MCTP2: variants seen among roughly 807,000 people sequenced by gnomAD.
The protein encoded by MCTP2 is multiple C2 and transmembrane domain-containing protein 2.
A neutral mutation model predicts 111.6 loss-of-function variants in MCTP2; 132 were observed. The observed-to-expected ratio is 1.18, with a 90% CI of 1.03 to 1.37. The LOEUF is 1.37. Among genes scored for constraint, MCTP2 ranks in the 40% most tolerant of loss-of-function variants. The probability of loss-of-function intolerance (pLI) is 0.00; values close to 1 mark genes in which losing one functional copy is unlikely to be tolerated. For synonymous variants in MCTP2, 395 were observed against 387.7 expected (o/e 1.02, Z -0.22); for missense variants, 1,183 against 1,067.9 (o/e 1.11, Z -1.50).
intron 9 of MCTP2, among the ~76,000 whole-genome samples, chr15:94,357,356 A>G (rs2078681620): frequency 6.6e-6 from 1 of 152,206 alleles, no homozygotes; most frequent in Non-Finnish European, 1.5e-5. Flanking sequence ...GAGGGTATCC[A>G]GGATAACCAT....
intron 14 of MCTP2, among the ~76,000 whole-genome samples, chr15:94,387,198 T>C (rs749911462): frequency 2.0e-5 from 3 of 151,670 alleles, no homozygotes; most frequent in Non-Finnish European, 4.4e-5. Flanking sequence ...ATCTAAGAAG[T>C]TACCTCCAGC....
At chr15:94,434,379 A>AT (rs59320167) in intron 17 of MCTP2, among the ~76,000 whole-genome samples, 39 of 148,526 alleles carry the variant, frequency 2.6e-4, no homozygotes, top group Admixed American at 7.4e-4. Context: ...CTCCCAGCCT[A>AT]TTTTTTTTTT....
chr15:94,435,693 G>A (rs1473366560), intron 17 of MCTP2, among the ~76,000 whole-genome samples: 2 of 130,252 alleles, frequency 1.5e-5, no homozygotes, highest in Admixed American at 8.0e-5. Context: ...GTGCAGTGGC[G>A]CGATCTCGGC....
At chr15:94,280,444 C>T (rs1238918641) in intron 1 of MCTP2, among the ~76,000 whole-genome samples, 2 of 146,908 alleles carry the variant, frequency 1.4e-5, no homozygotes, top group African/African-American at 5.0e-5. Context: ...TCTGTGGGGT[C>T]GTGGGTAACG....
In MCTP2 at chr15:94,479,932, T is replaced by C. The variant is rs908066975; in HGVS notation, c.*898T>C. The C allele has an allele frequency of 2.1e-4, 32 of 152,186 alleles. No individual in the cohort carries two copies. Among genetic ancestry groups the C allele is most frequent in the African/African-American group, 7.0e-4 (29 of 41,460 alleles). The allele number at this position is 152,186 out of a possible 1,614,324, so 9.4% of individuals were successfully genotyped here. A position where few individuals can be genotyped will look rare whatever the true frequency, so the allele number is the denominator to read the frequency against. On this transcript the variant is annotated 3_prime_UTR_variant, in exon 23 of 23. Coordinates refer to ENST00000357742, the MANE Select transcript of MCTP2 (RefSeq NM_001385001.1). ...AGACTAATAAGGCTGCTTACCTAAT[T>C]ATTATAATCATTTCATTTGCCTGAA...
chr15:94,277,551 G>A (rs1046372714), intron 1 of MCTP2, among the ~76,000 whole-genome samples: 1 of 152,146 alleles, frequency 6.6e-6, no homozygotes, highest in Non-Finnish European at 1.5e-5. Flanking sequence ...ATATTCATGA[G>A]TGAAGTAAGT....
At chr15:94,469,651 T>C (rs1224204372) in intron 20 of MCTP2, among the ~76,000 whole-genome samples, 1 of 152,086 alleles carries the variant, frequency 6.6e-6, no homozygotes, top group Non-Finnish European at 1.5e-5. Flanking sequence ...GAGAATTGCT[T>C]GACCCCAGGA....
intron 19 of MCTP2, among the ~76,000 whole-genome samples, chr15:94,450,360 G>A (rs1014725336): frequency 9.2e-5 from 14 of 152,182 alleles, no homozygotes; most frequent in South Asian, 6.2e-4. Flanking sequence ...GTGTGTGCAC[G>A]CGCACGTGTG....
At chr15:94,298,956 T>TCTCC (rs1441231122) in intron 2 of MCTP2, among the ~76,000 whole-genome samples, 2 of 6,636 alleles carry the variant, frequency 3.0e-4, no homozygotes, top group East Asian at 0.01. Flanking sequence ...CCTCTCTCCC[T>TCTCC]CTCTCCCTCT....
At chr15:94,425,231 C>G (rs903851552) in intron 17 of MCTP2, among the ~76,000 whole-genome samples, 1 of 152,132 alleles carries the variant, frequency 6.6e-6, no homozygotes, top group Non-Finnish European at 1.5e-5. Flanking sequence ...TCTCAATGAT[C>G]TGCAATTTCT....
chr15:94,392,395 G>A (rs117540371), intron 14 of MCTP2, among the ~76,000 whole-genome samples: 1,865 of 150,798 alleles, frequency 0.012, 24 homozygotes, highest in Middle Eastern at 0.059. Flanking sequence ...GTAATAGTAA[G>A]GTTATTATAA....
chr15:94,237,714 A>G (rs943998342), intron 1 of MCTP2, among the ~76,000 whole-genome samples: 1 of 152,186 alleles, frequency 6.6e-6, no homozygotes, highest in Admixed American at 6.5e-5. Context: ...TATTAAAGCT[A>G]GATCTTTTTC....
intron 1 of MCTP2, among the ~76,000 whole-genome samples, chr15:94,258,543 T>C (rs1357103513): frequency 1.3e-5 from 2 of 152,212 alleles, no homozygotes; most frequent in African/African-American, 4.8e-5. Context: ...GATCCTTTAT[T>C]GAAATTAATA....
intron 1 of MCTP2, among the ~76,000 whole-genome samples, chr15:94,267,979 C>T (rs567206717): frequency 1.4e-5 from 2 of 147,610 alleles, no homozygotes; most frequent in African/African-American, 2.5e-5. Context: ...CATTCTCCTG[C>T]CTCAGCCTCC....
chr15:94,301,725 A>C (rs1176848709), intron 2 of MCTP2, among the ~76,000 whole-genome samples: 4 of 152,190 alleles, frequency 2.6e-5, no homozygotes, highest in African/African-American at 9.7e-5. Flanking sequence ...GTTTTTGAAA[A>C]AATACTCAAT....
chr15:94,356,109 T>C, intron 8 of MCTP2, 28 bp from the exon 9 acceptor site: 1 of 1,506,640 alleles, frequency 6.6e-7, no homozygotes, highest in South Asian at 1.4e-5. Flanking sequence ...GAAGCAAGTT[T>C]ACATGTCATC....
chr15:94,394,133 T>C (rs2152467610), intron 14 of MCTP2, among the ~76,000 whole-genome samples: 2 of 151,562 alleles, frequency 1.3e-5, no homozygotes, highest in Admixed American at 1.3e-4. Context: ...ATTATGATCA[T>C]GATGGTCGAG....
At chr15:94,337,590 C>T (rs982422143) in intron 4 of MCTP2, among the ~76,000 whole-genome samples, 10 of 149,506 alleles carry the variant, frequency 6.7e-5, no homozygotes, top group Admixed American at 2.0e-4. Flanking sequence ...CGACTGTACT[C>T]TCACTAGTGA....
chr15:94,374,826 A>G (rs1264074177), intron 12 of MCTP2, among the ~76,000 whole-genome samples: 1 of 152,120 alleles, frequency 6.6e-6, no homozygotes, highest in Non-Finnish European at 1.5e-5. Context: ...TCACCATGCC[A>G]AGAGTAGCAA....
Sources: allele counts gnomAD v4.1 joint callset (sites outside exome capture counted in the v4.1 genomes callset), GRCh38; gene constraint gnomAD v4.1.1; transcripts MANE v1.5; gene names NCBI Gene and HGNC (gene_info 2026-07-23, HGNC 2026-07-21).